IMPG2: variants seen among roughly 807,000 people sequenced by gnomAD.
IMPG2 encodes the protein IPM 200.
A neutral mutation model predicts 129.2 loss-of-function variants in IMPG2; 91 were observed. The ratio of observed to expected loss-of-function variants is 0.70; its 90% CI spans 0.59 to 0.84. The LOEUF is 0.84. IMPG2 is among the 40% of genes least tolerant of loss of function. The pLI, the probability that IMPG2 is intolerant of heterozygous loss-of-function variation, is 0.00. For missense variants in IMPG2, 1,430 were observed against 1,461.7 expected, an observed-to-expected ratio of 0.98 and a Z score of 0.35; for synonymous variants, 510 against 517.7, an observed-to-expected ratio of 0.99 and a Z score of 0.20.
At chr3:101,314,903 G>A (rs973394056) in intron 2 of IMPG2, among the ~76,000 whole-genome samples, 4 of 152,054 alleles carry the variant, frequency 2.6e-5, no homozygotes, top group African/African-American at 7.2e-5. Flanking sequence ...AACTTTTTGA[G>A]TGCCAGCATG....
At chr3:101,280,010 G>GA (rs751041243) in intron 4 of IMPG2, among the ~76,000 whole-genome samples, 1 of 152,186 alleles carries the variant, frequency 6.6e-6, no homozygotes, top group Non-Finnish European at 1.5e-5. Context: ...CTGGAACACA[G>GA]AGGTGTATTG....
Position 101,267,518 on chromosome 3 carries a change from T to G in IMPG2, c.901A>C (p.Asn301His). The G allele has an allele frequency of 5.0e-6, 8 of 1,611,624 alleles. No homozygotes were observed. The highest frequency in any genetic ancestry group is 6.8e-6 in the Non-Finnish European group (8 of 1,177,792). ...GAAAGTGCCAAAAAGTACCTGTCAT[T>G]TTCCTTGGGGGACCTGAAAACAAAA... Reference protein sequence around the residue: ...RVLEFRSPKENDSGVDVYYAV... With the variant: ...RVLEFRSPKEHDSGVDVYYAV... The change falls in exon 9 of 19, where the codon AAT becomes CAT. Residue 301 changes from asparagine (N) to histidine (H), a missense_variant. Transcript: ENST00000193391.
chr3:101,259,722 G>A (rs1254612523), intron 9 of IMPG2, among the ~76,000 whole-genome samples: 1 of 152,072 alleles, frequency 6.6e-6, no homozygotes, highest in African/African-American at 2.4e-5. Flanking sequence ...TTACTAGTTA[G>A]TGGAAAGCTT....
chr3:101,295,141 T>A (rs560632088), intron 3 of IMPG2, among the ~76,000 whole-genome samples: 1 of 152,362 alleles, frequency 6.6e-6, no homozygotes, highest in African/African-American at 2.4e-5. Flanking sequence ...ATTTTCGTCA[T>A]GAAGTCTTTG....
chr3:101,275,013 C>T (rs1471551046), intron 6 of IMPG2, among the ~76,000 whole-genome samples: 2 of 151,210 alleles, frequency 1.3e-5, no homozygotes, highest in Non-Finnish European at 2.9e-5. Flanking sequence ...TGCAAGAGAA[C>T]TAAATTGCAT....
chr3:101,304,114 C>T lies in IMPG2; in HGVS notation c.501+32G>A, dbSNP rs771490395. ...GCTGTGTAAATGCTCCTACAATAGT[C>T]CAGGAATCCCTTCCTTTGTTGTGAC... On this transcript the variant is annotated intron_variant, in intron 3 of 18. Coordinates refer to ENST00000193391, the MANE Select transcript of IMPG2 (RefSeq NM_016247.4). The T allele has an allele frequency of 2.5e-6, 4 of 1,610,450 alleles. No homozygotes were observed. The South Asian group carries it at 4.4e-5, about 18-fold the overall frequency.
chr3:101,250,555 C>CA (rs1317548862), intron 11 of IMPG2, among the ~76,000 whole-genome samples: 3 of 151,868 alleles, frequency 2.0e-5, no homozygotes, highest in East Asian at 1.9e-4. Flanking sequence ...CAAGGACACA[C>CA]AAAAAAAGAG....
At chr3:101,241,756 G>A (rs764946042) in intron 14 of IMPG2, among the ~76,000 whole-genome samples, 91 of 152,118 alleles carry the variant, frequency 6.0e-4, no homozygotes, top group Admixed American at 3.7e-3. Flanking sequence ...GGCCAGGTGC[G>A]GTGGCTCACA....
At chr3:101,257,398 T>G in intron 10 of IMPG2, 131 bp downstream of exon 10, 1 of 1,042,470 alleles carries the variant, frequency 9.6e-7, no homozygotes, top group African/African-American at 1.6e-5. Context: ...ACTCCATTCA[T>G]ATCAGGTTGG....
chr3:101,252,284 G>C (rs751093105), intron 11 of IMPG2, among the ~76,000 whole-genome samples: 4 of 152,082 alleles, frequency 2.6e-5, no homozygotes, highest in South Asian at 2.1e-4. Flanking sequence ...CCCAAGCTGC[G>C]TGTCTATAGT....
chr3:101,242,769 T>C lies in IMPG2; in HGVS notation c.2941A>G (p.Met981Val), dbSNP rs926472701. The C allele has an allele frequency of 1.2e-6, 2 of 1,614,052 alleles. No individual in the cohort carries two copies. The highest frequency in any genetic ancestry group is 1.3e-5 in the African/African-American group (1 of 75,050). Residue 981 changes from methionine to valine, a missense_variant, in exon 14 of 19, where the codon ATG becomes GTG. Physicochemically the swap from Met to Val is conservative, Grantham distance 21. Coordinates refer to ENST00000193391, the MANE Select transcript of IMPG2 (RefSeq NM_016247.4). ...VPPNVNNAVY[M>V]ILEDFCTTAY... ...GTGGTACAAAAGTCTTCCAGAATCA[T>C]GTACACCGCATTGTTGACGTTAGGA...
At chr3:101,317,508 C>T (rs1019403093) in intron 2 of IMPG2, among the ~76,000 whole-genome samples, 4 of 152,106 alleles carry the variant, frequency 2.6e-5, no homozygotes, top group African/African-American at 7.2e-5. Flanking sequence ...AACTCCCTCC[C>T]TCTAAATTGC....
chr3:101,281,537 G>A (rs183427889), intron 4 of IMPG2, among the ~76,000 whole-genome samples: 75 of 152,328 alleles, frequency 4.9e-4, no homozygotes, highest in Admixed American at 1.9e-3. Flanking sequence ...ACATACATTA[G>A]CAGATGTATT....
chr3:101,230,923 T>G, intron 16 of IMPG2, 34 bp downstream of exon 16: 2 of 1,552,026 alleles, frequency 1.3e-6, no homozygotes, highest in Non-Finnish European at 1.8e-6. Flanking sequence ...AATGGAACAT[T>G]GTATTCCATT....
intron 7 of IMPG2, among the ~76,000 whole-genome samples, chr3:101,269,834 G>C (rs2107246812): frequency 6.7e-6 from 1 of 149,530 alleles, no homozygotes; most frequent in East Asian, 2.0e-4. Flanking sequence ...CATACTCCTT[G>C]TTGGCAAAGC....
At chr3:101,251,687 C>T (rs1706545300) in intron 11 of IMPG2, among the ~76,000 whole-genome samples, 1 of 152,152 alleles carries the variant, frequency 6.6e-6, no homozygotes, top group Non-Finnish European at 1.5e-5. Context: ...AATTTCCCAA[C>T]ATTCCTAGCT....
intron 3 of IMPG2, among the ~76,000 whole-genome samples, chr3:101,300,057 C>A (rs1707123384): frequency 6.6e-6 from 1 of 152,208 alleles, no homozygotes; most frequent in African/African-American, 2.4e-5. Context: ...TCTAGAGGCT[C>A]AAGCCCAGGA....
In IMPG2 at chr3:101,263,618, A is replaced by G. The variant is rs535352055; in HGVS notation, c.908+3893T>C. On this transcript the variant is annotated intron_variant, in intron 9 of 18. Coordinates refer to ENST00000193391, the MANE Select transcript of IMPG2 (RefSeq NM_016247.4). ...AAACAACTAAAAAGATTTCGAATAA[A>G]CAACTTAACAATGCATCTCAAAGAA... Among the ~76,000 whole-genome samples, 13 of 150,650 alleles carry G rather than the reference A, an allele frequency of 8.6e-5. No homozygotes were observed. In the East Asian group the frequency reaches 2.5e-3, roughly 29 times the overall value.
At chr3:101,287,281 G>A (rs578006872) in intron 4 of IMPG2, among the ~76,000 whole-genome samples, 147 of 152,198 alleles carry the variant, frequency 9.7e-4, no homozygotes, top group African/African-American at 3.4e-3. Context: ...CTCATGGATT[G>A]GAAGAATCAA....
Sources: allele counts gnomAD v4.1 joint callset (sites outside exome capture counted in the v4.1 genomes callset), GRCh38; gene constraint gnomAD v4.1.1; transcripts MANE v1.5; gene names NCBI Gene and HGNC (gene_info 2026-07-23, HGNC 2026-07-21).